SLK: variants seen among roughly 807,000 people sequenced by gnomAD.
SLK encodes STE20-like serine/threonine-protein kinase.
Under a neutral mutation model 147.7 loss-of-function variants are expected in SLK, and 67 were observed. That is an observed-to-expected ratio of 0.45 (90% CI 0.37 to 0.56). The LOEUF (loss-of-function observed/expected upper bound fraction) is 0.56. Ranked by LOEUF, SLK falls within the 20% of genes least tolerant of loss-of-function variation. The probability of loss-of-function intolerance (pLI) is 0.00; values close to 1 mark genes in which losing one functional copy is unlikely to be tolerated. For synonymous variants in SLK, 441 were observed against 475.0 expected, an observed-to-expected ratio of 0.93 and a Z score of 0.93; for missense variants, 1,136 against 1,438.8, an observed-to-expected ratio of 0.79 and a Z score of 3.41.
chr10:103,985,375 G>C (rs1333044962), intron 1 of SLK, among the ~76,000 whole-genome samples: 1 of 152,126 alleles, frequency 6.6e-6, no homozygotes, highest in Non-Finnish European at 1.5e-5. Flanking sequence ...CCTTGTAGTG[G>C]ATGTTCATGA....
At chr10:103,979,984 G>A (rs1843920190) in intron 1 of SLK, among the ~76,000 whole-genome samples, 2 of 152,194 alleles carry the variant, frequency 1.3e-5, no homozygotes, top group African/African-American at 4.8e-5. Flanking sequence ...TTATGGTATT[G>A]CCTTCTACAT....
chr10:104,008,136 G>C (rs771332651), intron 11 of SLK, 41 bp from the exon 12 acceptor site: 57 of 1,496,948 alleles, frequency 3.8e-5, no homozygotes, highest in Non-Finnish European at 5.2e-5. Context: ...ATTAATATGG[G>C]TGATGGAAAA....
intron 1 of SLK, among the ~76,000 whole-genome samples, chr10:103,980,415 A>G (rs1396402241): frequency 6.6e-6 from 1 of 152,156 alleles, no homozygotes; most frequent in Non-Finnish European, 1.5e-5. Flanking sequence ...GTAATGTGCA[A>G]CTGTCACCAC....
rs1844380259 is a variant in SLK, at chr10:104,010,006, C to T, written c.2785-810C>T. Among the ~76,000 whole-genome samples, 4 of 152,068 alleles carry T rather than the reference C, an allele frequency of 2.6e-5. No individual in the cohort carries two copies. The South Asian group carries it at 6.2e-4, about 24-fold the overall frequency. ...ATGATTGTTTTTCATAGTTGGATTA[C>T]AGATCTATTGTTAGATGGAATATAC... On this transcript the variant is annotated intron_variant, in intron 12 of 18. Coordinates refer to ENST00000369755, the MANE Select transcript of SLK (RefSeq NM_014720.4).
intron 18 of SLK, among the ~76,000 whole-genome samples, chr10:104,024,802 C>T (rs1050383841): frequency 2.0e-5 from 3 of 152,202 alleles, no homozygotes; most frequent in African/African-American, 4.8e-5. Context: ...AACACGGTCA[C>T]GCTTTGATGA....
chr10:104,000,925 G>A (rs1311301404), intron 7 of SLK, among the ~76,000 whole-genome samples: 1 of 151,900 alleles, frequency 6.6e-6, no homozygotes, highest in Non-Finnish European at 1.5e-5. Context: ...CGGGCATGGT[G>A]GCACATGCCT....
chr10:103,980,573 T>C (rs1053390383), intron 1 of SLK, among the ~76,000 whole-genome samples: 20 of 152,218 alleles, frequency 1.3e-4, no homozygotes, highest in African/African-American at 4.8e-4. Flanking sequence ...CCTCATTAAA[T>C]GGAATCATAC....
At chr10:104,009,665 A>G (rs771863697) in intron 12 of SLK, among the ~76,000 whole-genome samples, 3 of 152,136 alleles carry the variant, frequency 2.0e-5, no homozygotes, top group African/African-American at 7.2e-5. Context: ...ACAGATAAAT[A>G]TATGGTTTAA....
At chr10:104,002,123 C>T in intron 8 of SLK, 49 bp from the exon 9 acceptor site, 1 of 1,384,672 alleles carries the variant, frequency 7.2e-7, no homozygotes, top group Non-Finnish European at 9.7e-7. Context: ...TTGTTTTGGT[C>T]ACTCTAAGGT....
At chr10:104,023,696 C>T (rs1844563445) in intron 18 of SLK, among the ~76,000 whole-genome samples, 1 of 152,084 alleles carries the variant, frequency 6.6e-6, no homozygotes, top group Non-Finnish European at 1.5e-5. Context: ...TATACTGAAC[C>T]CCAAACATTC....
chr10:104,018,955 T>G (rs1844499957), intron 15 of SLK, 47 bp downstream of exon 15: 3 of 1,521,014 alleles, frequency 2.0e-6, no homozygotes, highest in African/African-American at 2.8e-5. Flanking sequence ...TTTTAAAGTT[T>G]GCAAAGCTAT....
At chr10:104,005,084 G>A (rs965444434) in intron 9 of SLK, among the ~76,000 whole-genome samples, 3 of 152,004 alleles carry the variant, frequency 2.0e-5, no homozygotes, top group Admixed American at 6.6e-5. Context: ...TCAAAAAAAA[G>A]AGATTTCCAG....
chr10:103,994,595 C>A (rs1236546250), intron 4 of SLK, among the ~76,000 whole-genome samples: 2 of 152,122 alleles, frequency 1.3e-5, no homozygotes, highest in Non-Finnish European at 2.9e-5. Flanking sequence ...CAAAAAAAAA[C>A]CTTATGCATT....
intron 1 of SLK, among the ~76,000 whole-genome samples, chr10:103,983,951 A>G (rs547362692): frequency 6.6e-6 from 1 of 152,166 alleles, no homozygotes; most frequent in Non-Finnish European, 1.5e-5. Context: ...AATAATTCCA[A>G]TCTTTTCCCT....
At chr10:104,020,396 G>T in intron 16 of SLK, 92 bp from the exon 17 acceptor site, 8 of 1,234,706 alleles carry the variant, frequency 6.5e-6, no homozygotes, top group Non-Finnish European at 8.9e-6. Context: ...TCAGTTTATT[G>T]TGCCTTGTTT....
chr10:104,001,663 C>T (rs988723705), intron 8 of SLK, 91 bp downstream of exon 8: 27 of 1,380,024 alleles, frequency 2.0e-5, no homozygotes, highest in Admixed American at 1.0e-4. Flanking sequence ...TGGGTGGCAA[C>T]GCAAAACCTT....
At chr10:104,010,637 TGA>T (rs1292089896) in intron 12 of SLK, among the ~76,000 whole-genome samples, 177 bp from the exon 13 acceptor site, 1 of 152,236 alleles carries the variant, frequency 6.6e-6, no homozygotes, top group Non-Finnish European at 1.5e-5. Context: ...CTTTCTGCAC[TGA>T]GATTATGCAT....
chr10:104,003,555 T>C (rs1486029855), intron 9 of SLK, 28 bp downstream of exon 9: 1 of 1,507,378 alleles, frequency 6.6e-7, no homozygotes, highest in African/African-American at 1.4e-5. Flanking sequence ...ATTGTTTGGG[T>C]TTTCCTTTGC....
In SLK at chr10:103,975,553, G is replaced by A. The variant is rs1843859612; in HGVS notation, c.150+7658G>A. On this transcript the variant is annotated intron_variant, in intron 1 of 18. Coordinates refer to ENST00000369755, the MANE Select transcript of SLK (RefSeq NM_014720.4). The stretch of plus-strand genomic sequence containing the variant: ...TAGACTACTGCAGTCTTATTGGTAT[G>A]TTTTTGGGCTTCATATAATCATTTA... Among the ~76,000 whole-genome samples the A allele has an allele frequency of 2.0e-5, 3 of 152,200 alleles. No homozygotes were observed. The South Asian group carries it at 6.2e-4, about 32-fold the overall frequency.
Sources: allele counts gnomAD v4.1 joint callset (sites outside exome capture counted in the v4.1 genomes callset), GRCh38; gene constraint gnomAD v4.1.1; transcripts MANE v1.5; gene names NCBI Gene and HGNC (gene_info 2026-07-23, HGNC 2026-07-21).